ASB16: variants seen among roughly 807,000 people sequenced by gnomAD.
ASB16 encodes the protein ankyrin repeat and SOCS box protein 16.
Under a neutral mutation model 39.1 loss-of-function variants are expected in ASB16, and 44 were observed. That is an observed-to-expected ratio of 1.13 (90% CI 0.88 to 1.45). ASB16 has a LOEUF of 1.45. Among genes scored for constraint, ASB16 ranks in the 40% most tolerant of loss-of-function variants. The pLI is 0.00. For synonymous variants in ASB16, 305 were observed against 286.7 expected, an observed-to-expected ratio of 1.06 and a Z score of -0.64; for missense variants, 698 against 634.5, an observed-to-expected ratio of 1.10 and a Z score of -1.07.
intron 4 of ASB16, 28 bp downstream of exon 4, chr17:44,177,750 G>A: frequency 1.2e-6 from 2 of 1,606,408 alleles, no homozygotes; most frequent in Non-Finnish European, 1.7e-6. Context: ...CCGAGATGGG[G>A]AGGAGGGACG....
chr17:44,177,231 G>C lies in ASB16; in HGVS notation c.1062+1G>C. 1.3e-6 allele frequency: 2 copies of C among 1,535,738 alleles called. No individual in the cohort carries two copies. Among genetic ancestry groups the C allele is most frequent in the Non-Finnish European group, 1.8e-6 (2 of 1,141,766 alleles). ...CGGGGCGCAGCCAGTGCGCCCTGAGGTGCGCTGGGAGGCCCTGACATAGGA... is the reference window on the plus strand; with the variant it reads ...CGGGGCGCAGCCAGTGCGCCCTGAGCTGCGCTGGGAGGCCCTGACATAGGA... On this transcript the variant is annotated splice_donor_variant, in intron 3 of 4. Transcript: ENST00000293414. LOFTEE classifies it high-confidence loss of function.
intron 4 of ASB16, 94 bp from the exon 5 acceptor site, chr17:44,178,110 TG>T: frequency 7.6e-7 from 1 of 1,309,676 alleles, no homozygotes; most frequent in Non-Finnish European, 1.1e-6. Flanking sequence ...AACACCCAGG[TG>T]GGTGCATGCT....
Position 44,172,093 on chromosome 17 carries a change from A to T in ASB16, c.349A>T (p.Ile117Phe). Residue 117 changes from isoleucine to phenylalanine, a missense_variant, in exon 2 of 5, where the codon ATC becomes TTC. Ile to Phe is a conservative substitution (Grantham distance 21). Transcript: ENST00000293414. ...GACCAAGCAGACGGCACCCCTCGCC[A>T]TCGCTACAGCCCGAGGCTACACAGA... ...PKTKQTAPLA[I>F]ATARGYTDCA... 6.2e-7 allele frequency: 1 copy of T among 1,611,738 alleles called. No homozygotes were observed. The highest frequency in any genetic ancestry group is 8.5e-7 in the Non-Finnish European group (1 of 1,179,908).
intron 2 of ASB16, 149 bp from the exon 3 acceptor site, chr17:44,176,589 G>C: frequency 1.7e-6 from 2 of 1,155,494 alleles, no homozygotes; most frequent in Non-Finnish European, 2.6e-6. Flanking sequence ...CAATTCTGTT[G>C]TCTGTAGCGG....
In ASB16 at chr17:44,178,503, C is replaced by CAAAA; in HGVS notation, c.*114_*115insAAAA. On this transcript the variant is annotated 3_prime_UTR_variant, in exon 5 of 5. Transcript: ENST00000293414. ...TTCTTTTCTTTTTGAGACCTAGTCT[C>CAAAA]ACTCTGTTGCCCAGGCTGGAGTGCA... The CAAAA allele has an allele frequency of 5.1e-6, 6 of 1,174,454 alleles. No homozygotes were observed. The highest frequency in any genetic ancestry group is 7.1e-6 in the Non-Finnish European group (6 of 850,896). 72.8% of individuals were successfully genotyped at this position (1,174,454 alleles called of 1,614,324 possible).
chr17:44,173,097 A>C (rs953535524), intron 2 of ASB16, among the ~76,000 whole-genome samples: 3 of 145,992 alleles, frequency 2.1e-5, no homozygotes, highest in African/African-American at 7.5e-5. Context: ...AAAAAAAAAA[A>C]AAAAAAAAAA....
intron 2 of ASB16, 62 bp from the exon 3 acceptor site, chr17:44,176,676 G>A: frequency 6.2e-7 from 1 of 1,612,916 alleles, no homozygotes. Flanking sequence ...GAGTGTCACA[G>A]CAAGCTGAAG....
chr17:44,178,622 G>A lies in ASB16; in HGVS notation c.*232G>A, dbSNP rs538596484. 1.6e-4 allele frequency: 88 copies of A among 556,028 alleles called. No individual in the cohort carries two copies. Among genetic ancestry groups the A allele is most frequent in the Non-Finnish European group, 2.4e-4 (76 of 314,574 alleles). The allele number at this position is 556,028 out of a possible 1,614,324, so 34.4% of individuals were successfully genotyped here. ...CGAGTAGCTGGGACTACAGGCATGA[G>A]TCACCACACCTGGCTGATTTTGTAT... On this transcript the variant is annotated 3_prime_UTR_variant, in exon 5 of 5. Coordinates refer to ENST00000293414, the MANE Select transcript of ASB16 (RefSeq NM_080863.5).
In ASB16 at chr17:44,170,911, G is replaced by A. The variant is rs2054237298; in HGVS notation, c.122G>A (p.Cys41Tyr). Residue 41 changes from cysteine (C) to tyrosine (Y), a missense_variant, in exon 1 of 5, where the codon TGC (cysteine) becomes TAC (tyrosine). Physicochemically the swap from Cys to Tyr is radical, Grantham distance 194 (BLOSUM62 -2). Coordinates refer to ENST00000293414, the MANE Select transcript of ASB16 (RefSeq NM_080863.5). ...AAAQQCRSRR[C>Y]PSSPRARLTR... ...GCCCAGCAGTGCCGGAGCCGCAGGT[G>A]CCCGTCAAGTCCCCGGGCCCGACTC... 2 of 1,612,594 alleles carry A rather than the reference G, an allele frequency of 1.2e-6. No homozygotes were observed. Among genetic ancestry groups the A allele is most frequent in the African/African-American group, 2.7e-5 (2 of 75,024 alleles).
In ASB16 at chr17:44,171,190, C is replaced by T. The variant is rs915129894; in HGVS notation, c.301+100C>T. On this transcript the variant is annotated intron_variant, in intron 1 of 4. Coordinates refer to ENST00000293414, the MANE Select transcript of ASB16 (RefSeq NM_080863.5). ...CCCCTCCTTCCCTGCAGACCACAGA[C>T]TATAGCAGCCCTTTCCACCACCTAT... 15 of 1,257,558 alleles carry T rather than the reference C, an allele frequency of 1.2e-5. No individual in the cohort carries two copies. The East Asian group carries it at 3.5e-4, about 29-fold the overall frequency. The allele number at this position is 1,257,558 out of a possible 1,614,324, so 77.9% of individuals were successfully genotyped here.
Position 44,172,223 on chromosome 17 carries a change from G to A in ASB16, c.479G>A (p.Arg160Gln), listed in dbSNP as rs902256386. Residue 160 changes from arginine to glutamine, a missense_variant, in exon 2 of 5, where the codon CGG becomes CAG. Physicochemically the swap from Arg to Gln is conservative, Grantham distance 43 (BLOSUM62 1). Transcript: ENST00000293414. Reference sequence around the variant, plus strand: ...GCCCGAGCCCAGTTTGACTGTGTGCGGCTGCTGCTGACCTTCGGAGCCAAG... The same window carrying A: ...GCCCGAGCCCAGTTTGACTGTGTGCAGCTGCTGCTGACCTTCGGAGCCAAG... ...ACARAQFDCV[R>Q]LLLTFGAKAN... is the part of the protein sequence containing the mutation. 1.1e-5 allele frequency: 18 copies of A among 1,613,666 alleles called. No individual in the cohort carries two copies. Among genetic ancestry groups the A allele is most frequent in the African/African-American group, 6.7e-5 (5 of 74,918 alleles).
At position 44,170,887 on chromosome 17, in the gene ASB16, C is replaced by A. The variant is rs1178892319; in HGVS notation, c.98C>A (p.Ala33Asp). The A allele has an allele frequency of 2.5e-6, 4 of 1,611,588 alleles. No homozygotes were observed. The East Asian group carries it at 8.9e-5, about 36-fold the overall frequency. ...LEWEDRRRAA[A>D]QQCRSRRCPS... is the part of the protein sequence containing the mutation. ...TGGGAGGACCGGCGGCGGGCGGCTG[C>A]CCAGCAGTGCCGGAGCCGCAGGTGC... Residue 33 changes from alanine (A) to aspartate (D), a missense_variant, in exon 1 of 5, where the codon GCC (alanine) becomes GAC (aspartate). Coordinates refer to ENST00000293414, the MANE Select transcript of ASB16 (RefSeq NM_080863.5).
chr17:44,175,454 C>T (rs2054280448), intron 2 of ASB16, among the ~76,000 whole-genome samples: 1 of 150,248 alleles, frequency 6.7e-6, no homozygotes, highest in Admixed American at 6.7e-5. Flanking sequence ...CAAAAATTAG[C>T]CCCACAATTA....
intron 2 of ASB16, 140 bp from the exon 3 acceptor site, chr17:44,176,598 G>A (rs2054293027): frequency 1.2e-5 from 15 of 1,216,814 alleles, no homozygotes; most frequent in South Asian, 2.4e-5. Context: ...TGTCTGTAGC[G>A]GGGCTTGTAT....
At chr17:44,177,476 C>A in intron 3 of ASB16, 133 bp from the exon 4 acceptor site, 1 of 1,254,850 alleles carries the variant, frequency 8.0e-7, no homozygotes, top group Non-Finnish European at 1.1e-6. Context: ...TAGACAGAGG[C>A]ACAAAAAAGG....
intron 4 of ASB16, 42 bp downstream of exon 4, chr17:44,177,764 C>T: frequency 6.2e-7 from 1 of 1,604,486 alleles, no homozygotes. Flanking sequence ...AGGGACGAGC[C>T]ACAGGCCTAT....
chr17:44,173,000 C>T (rs12940594), intron 2 of ASB16, among the ~76,000 whole-genome samples: 2 of 146,656 alleles, frequency 1.4e-5, no homozygotes, highest in African/African-American at 2.5e-5. Context: ...ACTAGTAGGT[C>T]GAGGCACAAG....
At position 44,175,442 on chromosome 17, in the gene ASB16, A is replaced by G. The variant is rs1206746237; in HGVS notation, c.570-1296A>G. On this transcript the variant is annotated intron_variant, in intron 2 of 4. Transcript: ENST00000293414. ...AAAAAAAAAAAAATTAGTATTTGGA[A>G]ACAAAAATTAGCCCCACAATTAGAA... Among the ~76,000 whole-genome samples, 3 of 151,788 alleles carry G rather than the reference A, an allele frequency of 2.0e-5. No homozygotes were observed. The South Asian group carries it at 6.2e-4, about 32-fold the overall frequency.
Position 44,177,593 on chromosome 17 carries a change from C to T in ASB16, c.1063-16C>T. 2 of 1,611,858 alleles carry T rather than the reference C, an allele frequency of 1.2e-6. No individual in the cohort carries two copies. The highest frequency in any genetic ancestry group is 1.7e-6 in the Non-Finnish European group (2 of 1,178,702). Reference sequence around the variant, plus strand: ...GTGGGGGAGGCATGTGCCCAAGACCCTCTTTTGACCCCTAGATGCTGAAAC... The same window carrying T: ...GTGGGGGAGGCATGTGCCCAAGACCTTCTTTTGACCCCTAGATGCTGAAAC... On this transcript the variant is annotated splice_polypyrimidine_tract_variant and intron_variant, in intron 3 of 4. Transcript: ENST00000293414.
Sources: allele counts gnomAD v4.1 joint callset (sites outside exome capture counted in the v4.1 genomes callset), GRCh38; gene constraint gnomAD v4.1.1; transcripts MANE v1.5; gene names NCBI Gene and HGNC (gene_info 2026-07-23, HGNC 2026-07-21).